Variants in ZNF91 observed in about 807,000 individuals in gnomAD.
ZNF91 encodes zinc finger protein 91, also known as zinc finger protein 91 (HPF7, HTF10).
Under a neutral mutation model 12.6 loss-of-function variants are expected in ZNF91, and 7 were observed. That is an observed-to-expected ratio of 0.55 (90% CI 0.31 to 1.04). The LOEUF is 1.04. Ranked by LOEUF, ZNF91 falls within the 50% of genes least tolerant of loss-of-function variation. The probability of loss-of-function intolerance (pLI) is 0.05; values close to 1 mark genes in which losing one functional copy is unlikely to be tolerated. For synonymous variants in ZNF91, 453 were observed against 462.6 expected, an observed-to-expected ratio of 0.98 and a Z score of 0.27; for missense variants, 1,217 against 1,385.4, an observed-to-expected ratio of 0.88 and a Z score of 1.93.
chr19:23,314,098 C>A (rs1967512298), upstream of ZNF91, among the ~76,000 whole-genome samples: 1 of 152,144 alleles, frequency 6.6e-6, no homozygotes, highest in Non-Finnish European at 1.5e-5. Flanking sequence ...CTGCCCCTAG[C>A]ACCTAGGGTG....
rs147459249 is a variant in ZNF91 at position 23,346,987 on chromosome 19, A to G, written c.254-7933T>C. 1.4e-4 allele frequency among the ~76,000 whole-genome samples: 21 copies of G among 152,268 alleles called. No homozygotes were observed. The East Asian group carries it at 2.7e-3, about 20-fold the overall frequency. ...ACATACTTCTGTATCAACACTGTTC[A>G]AACCTTTCTTATACCTTTTCCAAAC... On this transcript the variant is annotated intron_variant, in intron 3 of 3. Coordinates refer to the ZNF91 transcript ENST00000599743.
At chr19:23,318,305 A>G (rs530521058) in intron 1 of ZNF91, among the ~76,000 whole-genome samples, 1 of 152,268 alleles carries the variant, frequency 6.6e-6, no homozygotes, top group African/African-American at 2.4e-5. Flanking sequence ...GCATTGTGAC[A>G]TCTCTGCATC....
chr19:23,358,658 G>T lies in ZNF91; in HGVS notation c.*745C>A. On this transcript the variant is annotated 3_prime_UTR_variant, in exon 4 of 4. Transcript: ENST00000300619. ...GCATAAATGCTTTCCTATGCATTAA[G>T]GTGTGAGCATTAGTTCAAAGCTTGG... 6.5e-6 allele frequency: 1 copy of T among 154,004 alleles called. No homozygotes were observed. The highest frequency in any genetic ancestry group is 1.5e-5 in the Non-Finnish European group (1 of 68,932). 9.5% of individuals were successfully genotyped at this position (154,004 alleles called of 1,614,324 possible).
chr19:23,367,758 A>G (rs1259174511), intron 3 of ZNF91, among the ~76,000 whole-genome samples: 1 of 152,226 alleles, frequency 6.6e-6, no homozygotes, highest in Admixed American at 6.5e-5. Context: ...ATCTCCCACA[A>G]AATTGACATG....
chr19:23,311,746 C>G (rs776223712), upstream of ZNF91, among the ~76,000 whole-genome samples: 3 of 152,194 alleles, frequency 2.0e-5, no homozygotes, highest in Non-Finnish European at 4.4e-5. Context: ...CTTTTCCTGC[C>G]TGGCCCCCAC....
intron 1 of ZNF91, among the ~76,000 whole-genome samples, chr19:23,393,932 G>A (rs1205280503): frequency 2.6e-5 from 4 of 152,140 alleles, no homozygotes; most frequent in East Asian, 1.9e-4. Flanking sequence ...CCCAGTAGGC[G>A]GAGGTTGTAG....
rs1359281303 is a variant in ZNF91, at chr19:23,362,457, T to A, written c.522A>T (p.Ile174=). The part of the protein sequence containing the change: ...YKFLNSNRHT[I]RHTGKKCFKC... ...TGAAGCATTTCTTTCCAGTATGTCT[T>A]ATCGTATGTCTGTTTGAATTTAAAA... is the stretch of plus-strand genomic sequence containing the variant. The change falls in exon 4 of 4, where the codon ATA becomes ATT. Residue 174 remains isoleucine (I), a synonymous_variant. Transcript: ENST00000300619. The A allele has an allele frequency of 6.2e-7, 1 of 1,611,308 alleles. No individual in the cohort carries two copies. The highest frequency in any genetic ancestry group is 8.5e-7 in the Non-Finnish European group (1 of 1,179,270).
chr19:23,352,482 T>G (rs780474173), intron 3 of ZNF91, among the ~76,000 whole-genome samples: 1 of 152,012 alleles, frequency 6.6e-6, no homozygotes, highest in Non-Finnish European at 1.5e-5. Flanking sequence ...AAAGAACATA[T>G]AATCTTGGGA....
intron 1 of ZNF91, among the ~76,000 whole-genome samples, chr19:23,331,545 T>A (rs887045878): frequency 5.3e-5 from 8 of 152,180 alleles, no homozygotes; most frequent in Non-Finnish European, 1.0e-4. Flanking sequence ...AGTGTGTGTG[T>A]ATGTTTGGTC....
Position 23,379,979 on chromosome 19 carries a change from G to A in ZNF91, c.31-5215C>T, listed in dbSNP as rs554033363. ...TCACATCAAAGAGTGAAGTCTGGCC[G>A]GGTGCGGTGGCTCATGCCTGTAATC... is the stretch of plus-strand genomic sequence containing the variant. On this transcript the variant is annotated intron_variant, in intron 1 of 3. Coordinates refer to ENST00000300619, the MANE Select transcript of ZNF91 (RefSeq NM_003430.4). 3.3e-5 allele frequency among the ~76,000 whole-genome samples: 5 copies of A among 152,168 alleles called. No homozygotes were observed. In the East Asian group the frequency reaches 5.8e-4, roughly 18 times the overall value.
intron 3 of ZNF91, among the ~76,000 whole-genome samples, chr19:23,305,997 A>T (rs963163043): frequency 1.3e-5 from 2 of 152,246 alleles, no homozygotes; most frequent in African/African-American, 4.8e-5. Context: ...ATATGCTAAG[A>T]TACTGAAAAA....
At chr19:23,339,357 C>T (rs561513498) in intron 3 of ZNF91, 1 of 152,214 alleles carries the variant, frequency 6.6e-6, no homozygotes, top group South Asian at 2.1e-4. Flanking sequence ...CCCAACATCA[C>T]AGCACCCTGA....
At chr19:23,385,286 A>G in intron 1 of ZNF91, 2 of 495,398 alleles carry the variant, frequency 4.0e-6, no homozygotes, top group South Asian at 3.9e-5. Flanking sequence ...ACGGAAAAAA[A>G]TAAGTAACAG....
chr19:23,310,822 C>T (rs1351672749), upstream of ZNF91, among the ~76,000 whole-genome samples: 3 of 152,138 alleles, frequency 2.0e-5, no homozygotes, highest in Non-Finnish European at 4.4e-5. Context: ...CTACAGGAAG[C>T]ATTGTGACAT....
chr19:23,368,822 T>A (rs953020959), intron 3 of ZNF91, among the ~76,000 whole-genome samples: 39 of 151,746 alleles, frequency 2.6e-4, no homozygotes, highest in African/African-American at 8.7e-4. Context: ...GTTAAATAAC[T>A]TTATTTAGAA....
intron 1 of ZNF91, 99 bp downstream of exon 1, chr19:23,395,226 A>C (rs1471100722): frequency 2.8e-6 from 4 of 1,439,874 alleles, no homozygotes; most frequent in Admixed American, 3.8e-5. Context: ...CGGATTGTGG[A>C]GCTGACTGAA....
intron 1 of ZNF91, among the ~76,000 whole-genome samples, chr19:23,330,951 T>C (rs547194712): frequency 1.3e-5 from 2 of 152,308 alleles, no homozygotes; most frequent in East Asian, 3.9e-4. Flanking sequence ...TATCCAAAAT[T>C]GGAATCAATA....
At chr19:23,342,097 T>A (rs1968137611) in intron 3 of ZNF91, 4 of 359,112 alleles carry the variant, frequency 1.1e-5, no homozygotes, top group Non-Finnish European at 2.0e-5. Flanking sequence ...CTATACCACA[T>A]TTTAAGGTCT....
At chr19:23,384,486 T>C in intron 1 of ZNF91, 1 of 628,506 alleles carries the variant, frequency 1.6e-6, no homozygotes, top group Non-Finnish European at 2.3e-6. Flanking sequence ...TGAAAAAAGT[T>C]GCCCTTTCTT....
Sources: allele counts gnomAD v4.1 joint callset (sites outside exome capture counted in the v4.1 genomes callset), GRCh38; gene constraint gnomAD v4.1.1; transcripts MANE v1.5; gene names NCBI Gene and HGNC (gene_info 2026-07-23, HGNC 2026-07-21).